PTPRD: variants seen among roughly 807,000 people sequenced by gnomAD.
The protein encoded by PTPRD is receptor-type tyrosine-protein phosphatase delta.
In PTPRD, 34 loss-of-function variants were observed where a neutral mutation model predicts 214.5. The observed-to-expected ratio is 0.16, with a 90% CI of 0.12 to 0.21. The LOEUF (loss-of-function observed/expected upper bound fraction) is 0.21, where lower values mean the gene tolerates loss of function less well. Among genes scored for constraint, PTPRD ranks in the 10% least tolerant of loss-of-function variants. The pLI is 1.00. For missense variants in PTPRD, 2,545 were observed against 2,398.7 expected, an observed-to-expected ratio of 1.06 and a Z score of -1.27; for synonymous variants, 1,128 against 845.7, an observed-to-expected ratio of 1.33 and a Z score of -5.79.
intron 5 of PTPRD, among the ~76,000 whole-genome samples, chr9:9,797,917 A>G (rs578158803): frequency 6.6e-6 from 1 of 152,318 alleles, no homozygotes; most frequent in South Asian, 2.1e-4. Flanking sequence ...ATAAAGTTAG[A>G]AAATGATGGA....
intron 11 of PTPRD, among the ~76,000 whole-genome samples, chr9:8,883,818 C>T (rs890188844): frequency 2.0e-5 from 3 of 152,160 alleles, no homozygotes; most frequent in Non-Finnish European, 4.4e-5. Context: ...CCTCTGTATC[C>T]CTTCTGGAGC....
At chr9:8,374,854 C>T (rs191085872) in intron 39 of PTPRD, among the ~76,000 whole-genome samples, 20 of 151,966 alleles carry the variant, frequency 1.3e-4, no homozygotes, top group African/African-American at 4.6e-4. Context: ...CATGGTTTGG[C>T]TAGGTGAATT....
intron 2 of PTPRD, among the ~76,000 whole-genome samples, chr9:10,495,321 A>G (rs2041716285): frequency 6.6e-6 from 1 of 151,862 alleles, no homozygotes; most frequent in African/African-American, 2.4e-5. Flanking sequence ...GAGAGACATA[A>G]GGAAAGACTG....
intron 2 of PTPRD, among the ~76,000 whole-genome samples, chr9:10,406,335 A>T (rs1183807847): frequency 6.6e-6 from 1 of 151,608 alleles, no homozygotes; most frequent in East Asian, 1.9e-4. Flanking sequence ...CTAATATCAC[A>T]TTTGTACAAA....
intron 2 of PTPRD, among the ~76,000 whole-genome samples, chr9:10,354,966 T>C (rs2097250267): frequency 1.3e-5 from 2 of 152,240 alleles, no homozygotes; most frequent in African/African-American, 2.4e-5. Flanking sequence ...TTTTACATTG[T>C]ATTTGCTAAA....
At chr9:10,227,465 G>A (rs1271246477) in intron 3 of PTPRD, among the ~76,000 whole-genome samples, 3 of 151,666 alleles carry the variant, frequency 2.0e-5, no homozygotes, top group African/African-American at 7.3e-5. Context: ...TTACTCTTTC[G>A]CGTGAAAACT....
intron 8 of PTPRD, among the ~76,000 whole-genome samples, chr9:9,438,063 C>T (rs1588424496): frequency 1.3e-5 from 2 of 152,212 alleles, no homozygotes; most frequent in South Asian, 4.1e-4. Flanking sequence ...GATGGCTTTC[C>T]CTCTGTGTGC....
intron 5 of PTPRD, among the ~76,000 whole-genome samples, chr9:9,928,788 A>ACACACACAC (rs1555348367): frequency 1.3e-5 from 2 of 151,324 alleles, no homozygotes; most frequent in African/African-American, 2.4e-5. Context: ...ACACACACAC[A>ACACACACAC]ATTTGCATTT....
intron 10 of PTPRD, among the ~76,000 whole-genome samples, chr9:9,116,772 C>G (rs1035435284): frequency 6.6e-6 from 1 of 152,154 alleles, no homozygotes; most frequent in Non-Finnish European, 1.5e-5. Flanking sequence ...TGCTCCTCTA[C>G]ATGCAGAGGA....
intron 3 of PTPRD, among the ~76,000 whole-genome samples, chr9:10,300,675 G>A (rs1041578929): frequency 1.3e-5 from 2 of 152,134 alleles, no homozygotes; most frequent in African/African-American, 4.8e-5. Context: ...TGAGCCTACT[G>A]CAGCTCAGCA....
At chr9:9,321,982 T>C (rs1966814529) in intron 9 of PTPRD, among the ~76,000 whole-genome samples, 1 of 152,190 alleles carries the variant, frequency 6.6e-6, no homozygotes, top group Non-Finnish European at 1.5e-5. Context: ...GGCAAGGCAC[T>C]CTGGTAAGTA....
chr9:9,563,920 T>C (rs1370784294), intron 8 of PTPRD, among the ~76,000 whole-genome samples: 1 of 152,152 alleles, frequency 6.6e-6, no homozygotes, highest in Non-Finnish European at 1.5e-5. Context: ...CCACATGACT[T>C]AGCCCAATGG....
At chr9:9,970,041 C>A (rs370222300) in intron 4 of PTPRD, among the ~76,000 whole-genome samples, 1 of 152,004 alleles carries the variant, frequency 6.6e-6, no homozygotes, top group Non-Finnish European at 1.5e-5. Flanking sequence ...GGGACAGTGG[C>A]ACCTGTATGG....
At chr9:10,064,957 T>C (rs2097848404) in intron 3 of PTPRD, among the ~76,000 whole-genome samples, 1 of 151,964 alleles carries the variant, frequency 6.6e-6, no homozygotes, top group South Asian at 2.1e-4. Context: ...TTTCCTAAAA[T>C]TTCCAGTCTA....
intron 2 of PTPRD, among the ~76,000 whole-genome samples, chr9:10,560,286 TTC>T: frequency 6.6e-6 from 1 of 152,124 alleles, no homozygotes; most frequent in Non-Finnish European, 1.5e-5. Context: ...GAAATCATCA[TTC>T]TCAGTAAACT....
intron 14 of PTPRD, among the ~76,000 whole-genome samples, chr9:8,547,295 A>C (rs2080465876): frequency 6.6e-6 from 1 of 152,320 alleles, no homozygotes; most frequent in East Asian, 1.9e-4. Context: ...AAAGGATATA[A>C]AAAACTTAAT....
intron 5 of PTPRD, among the ~76,000 whole-genome samples, chr9:9,890,625 C>T (rs1478992873): frequency 1.3e-5 from 2 of 152,120 alleles, no homozygotes; most frequent in Admixed American, 1.3e-4. Flanking sequence ...AGAGCAGGTT[C>T]TGGGATGGGA....
intron 14 of PTPRD, among the ~76,000 whole-genome samples, chr9:8,582,157 A>G (rs1467317110): frequency 6.6e-6 from 1 of 152,164 alleles, no homozygotes; most frequent in Non-Finnish European, 1.5e-5. Context: ...AGACAGAGGC[A>G]GTATTTCACA....
chr9:10,280,383 C>G (rs2095033566), intron 3 of PTPRD, among the ~76,000 whole-genome samples: 1 of 148,214 alleles, frequency 6.7e-6, no homozygotes, highest in African/African-American at 2.4e-5. Flanking sequence ...CACACACACA[C>G]ACACACATGT....
Sources: allele counts gnomAD v4.1 joint callset (sites outside exome capture counted in the v4.1 genomes callset), GRCh38; gene constraint gnomAD v4.1.1; transcripts MANE v1.5; gene names NCBI Gene and HGNC (gene_info 2026-07-23, HGNC 2026-07-21).